NET1: variants seen among roughly 807,000 people sequenced by gnomAD.
NET1 encodes neuroepithelial cell transforming 1.
A neutral mutation model predicts 61.1 loss-of-function variants in NET1; 42 were observed. That is an observed-to-expected ratio of 0.69 (90% CI 0.54 to 0.89). The LOEUF (loss-of-function observed/expected upper bound fraction) is 0.89, where lower values mean the gene tolerates loss of function less well. NET1 is among the 40% of genes least tolerant of loss of function. NET1 has a pLI of 0.00. For synonymous variants in NET1, 254 were observed against 281.8 expected (o/e 0.90, Z 0.99); for missense variants, 654 against 747.3 (o/e 0.88, Z 1.46).
rs1832635068 is a variant in NET1, at chr10:5,447,571, G to GT, written c.256-4258dup. ...AGTGTTCCTGCATTCAGTTAACTGT[G>GT]TATCTCTTGATTGTGGTAGTGGTTT... is the stretch of plus-strand genomic sequence containing the variant. On this transcript the variant is annotated intron_variant, in intron 3 of 11. Coordinates refer to ENST00000355029, the MANE Select transcript of NET1 (RefSeq NM_001047160.3). The surrounding 1 kb of genome is among the most constrained non-coding windows in gnomAD (Gnocchi z 4.1). Among the ~76,000 whole-genome samples the GT allele has an allele frequency of 6.6e-6, 1 of 152,136 alleles. No individual in the cohort carries two copies. The highest frequency in any genetic ancestry group is 1.5e-5 in the Non-Finnish European group (1 of 68,020).
At position 5,421,924 on chromosome 10, in the gene NET1, C is replaced by T. The variant is rs976848536; in HGVS notation, c.129-4731C>T. 2.5e-4 allele frequency among the ~76,000 whole-genome samples: 38 copies of T among 152,312 alleles called. No individual in the cohort carries two copies. The highest frequency in any genetic ancestry group is 8.4e-4 in the African/African-American group (35 of 41,576). The stretch of plus-strand genomic sequence containing the variant: ...CTTACATCAGTATTTCATTTTATTG[C>T]CAAACCATATTCCATTATATGAATA... On this transcript the variant is annotated intron_variant, in intron 1 of 11. Coordinates refer to ENST00000355029, the MANE Select transcript of NET1 (RefSeq NM_001047160.3). The surrounding 1 kb of genome is among the most constrained non-coding windows in gnomAD (Gnocchi z 4.2).
At chr10:5,448,547 A>G (rs1488930237) in intron 3 of NET1, among the ~76,000 whole-genome samples, 3 of 152,132 alleles carry the variant, frequency 2.0e-5, no homozygotes, top group African/African-American at 7.2e-5. Context: ...CTTATGTTAG[A>G]GAGTGTTGGA....
rs1406493626 is a variant in NET1 at position 5,426,567 on chromosome 10, G to T, written c.129-88G>T. The T allele has an allele frequency of 9.8e-7, 1 of 1,019,320 alleles. No individual in the cohort carries two copies. The highest frequency in any genetic ancestry group is 1.5e-5 in the South Asian group (1 of 65,224). The allele number at this position is 1,019,320 out of a possible 1,614,324, so 63.1% of individuals were successfully genotyped here. A position where few individuals can be genotyped will look rare whatever the true frequency, so the allele number is the denominator to read the frequency against. ...CAGGCCACTTTAAACGGTTTTGAAA[G>T]TATGAAAAGTATAGCTTTTTATCTG... On this transcript the variant is annotated intron_variant, in intron 1 of 11. Transcript: ENST00000355029. This position sits in a 1 kb window ranked among gnomAD's most constrained non-coding sequence, Gnocchi z 4.6.
At position 5,451,199 on chromosome 10, in the gene NET1, C is replaced by T. The variant is rs904826334; in HGVS notation, c.256-631C>T. Among the ~76,000 whole-genome samples, 2 of 152,180 alleles carry T rather than the reference C, an allele frequency of 1.3e-5. No homozygotes were observed. The highest frequency in any genetic ancestry group is 6.5e-5 in the Admixed American group (1 of 15,284). On this transcript the variant is annotated intron_variant, in intron 3 of 11. Transcript: ENST00000355029. The surrounding 1 kb of genome is among the most constrained non-coding windows in gnomAD (Gnocchi z 6.1). ...GGTGTGCCCTAGCAAGTGGTAGAGC[C>T]GGGATTTGTGCCCAGTCAGATTTCA...
intron 2 of NET1, 92 bp from the exon 3 acceptor site, chr10:5,429,078 T>A (rs929935234): frequency 1.6e-5 from 15 of 964,500 alleles, no homozygotes; most frequent in Non-Finnish European, 2.2e-5. Context: ...TTAACTTTTT[T>A]AAATTGATTT....
rs1832504447 is a variant in NET1, at chr10:5,440,259, G to C, written c.255+11030G>C. Among the ~76,000 whole-genome samples, 1 of 152,220 alleles carries C rather than the reference G, an allele frequency of 6.6e-6. No homozygotes were observed. The highest frequency in any genetic ancestry group is 2.4e-5 in the African/African-American group (1 of 41,446). On this transcript the variant is annotated intron_variant, in intron 3 of 11. Transcript: ENST00000355029. This position sits in a 1 kb window ranked among gnomAD's most constrained non-coding sequence, Gnocchi z 4.1. ...TTCAGGACGTGAGCAATCACAGGCTGCTGTCCTTCCCACCTAAAAGCAAAC... is the reference window on the plus strand; with the variant it reads ...TTCAGGACGTGAGCAATCACAGGCTCCTGTCCTTCCCACCTAAAAGCAAAC...
rs1832014358 is a variant in NET1, at chr10:5,412,704, G to A, written c.12G>A (p.Glu4=). ...CCCTCCTCCGTGCCATGGAGCCCGA[G>A]CTGGCGGCTCAGAAGCAGCCTCGAC... MEP[E]LAAQKQPRPR... Residue 4 remains glutamate (E), a synonymous_variant, in exon 1 of 12, where the codon GAG becomes GAA. Coordinates refer to ENST00000355029, the MANE Select transcript of NET1 (RefSeq NM_001047160.3). This position sits in a 1 kb window ranked among gnomAD's most constrained non-coding sequence, Gnocchi z 6.5. 1.4e-6 allele frequency: 2 copies of A among 1,474,402 alleles called. No individual in the cohort carries two copies. Among genetic ancestry groups the A allele is most frequent in the Admixed American group, 2.5e-5 (1 of 39,456 alleles). 91.3% of individuals were successfully genotyped at this position (1,474,402 alleles called of 1,614,324 possible).
chr10:5,452,999 C>A lies in NET1; in HGVS notation c.594+79C>A. On this transcript the variant is annotated intron_variant, in intron 6 of 11. Coordinates refer to ENST00000355029, the MANE Select transcript of NET1 (RefSeq NM_001047160.3). The surrounding 1 kb of genome is among the most constrained non-coding windows in gnomAD (Gnocchi z 4.0). ...AAAATCTAAAGGATAGTTTTCTTAA[C>A]CTTTAGAAGTAGAAGAATAGAAAAT... 3.9e-6 allele frequency: 4 copies of A among 1,035,190 alleles called. No homozygotes were observed. Among genetic ancestry groups the A allele is most frequent in the Non-Finnish European group, 6.0e-6 (4 of 667,448 alleles). The allele number at this position is 1,035,190 out of a possible 1,614,324, so 64.1% of individuals were successfully genotyped here.
At position 5,449,597 on chromosome 10, in the gene NET1, A is replaced by G. The variant is rs1307331430; in HGVS notation, c.256-2233A>G. On this transcript the variant is annotated intron_variant, in intron 3 of 11. Transcript: ENST00000355029. This position sits in a 1 kb window ranked among gnomAD's most constrained non-coding sequence, Gnocchi z 4.4. ...TTCGTTTCAGAAGTATGCTTTAGAT[A>G]TATTTACATTCACTTATCTAAATCT... 6.6e-6 allele frequency among the ~76,000 whole-genome samples: 1 copy of G among 152,252 alleles called. No individual in the cohort carries two copies. Among genetic ancestry groups the G allele is most frequent in the Non-Finnish European group, 1.5e-5 (1 of 68,048 alleles).
intron 3 of NET1, among the ~76,000 whole-genome samples, chr10:5,448,011 T>A (rs952587420): frequency 3.3e-5 from 5 of 152,242 alleles, no homozygotes; most frequent in Non-Finnish European, 7.3e-5. Context: ...GACACAGCTC[T>A]AAATAATTTG....
rs554144268 is a variant in NET1, at chr10:5,458,062, G to C, written c.*1068G>C. 1 of 152,320 alleles carries C rather than the reference G, an allele frequency of 6.6e-6. No homozygotes were observed. Among genetic ancestry groups the C allele is most frequent in the African/African-American group, 2.4e-5 (1 of 41,568 alleles). 9.4% of individuals were successfully genotyped at this position (152,320 alleles called of 1,614,324 possible). ...AAAGGAGATAGGAGAAGCTCAACTT[G>C]AGGGCGTGTAGTAAGTTGTAGAAGG... On this transcript the variant is annotated 3_prime_UTR_variant, in exon 12 of 12. Transcript: ENST00000355029. This position sits in a 1 kb window ranked among gnomAD's most constrained non-coding sequence, Gnocchi z 4.5.
chr10:5,432,340 T>G (rs1019554292), intron 3 of NET1, among the ~76,000 whole-genome samples: 3 of 152,206 alleles, frequency 2.0e-5, no homozygotes, highest in African/African-American at 7.2e-5. Flanking sequence ...TCACCAAAAG[T>G]CCAGAGACAT....
Position 5,446,659 on chromosome 10 carries a change from G to A in NET1, c.256-5171G>A. The stretch of plus-strand genomic sequence containing the variant: ...GAGGCATGGGCACGTGGCTGCCGAG[G>A]GTGGCCGAGCTCTGGGAAGAAAAGC... On this transcript the variant is annotated intron_variant, in intron 3 of 11. Transcript: ENST00000355029. This position sits in a 1 kb window ranked among gnomAD's most constrained non-coding sequence, Gnocchi z 5.0. The A allele has an allele frequency of 7.6e-7, 1 of 1,323,242 alleles. No individual in the cohort carries two copies. The highest frequency in any genetic ancestry group is 9.7e-7 in the Non-Finnish European group (1 of 1,029,300). 82.0% of individuals were successfully genotyped at this position (1,323,242 alleles called of 1,614,324 possible).
In NET1 at chr10:5,452,508, G is replaced by A. The variant is rs748493518; in HGVS notation, c.514G>A (p.Glu172Lys). ...CATGAAGGAGTCTCTCACCACCAGGGAGATCAGACGGCAGGAGGTATGCTG... is the reference window on the plus strand; with the variant it reads ...CATGAAGGAGTCTCTCACCACCAGGAAGATCAGACGGCAGGAGGTATGCTG... Reference protein sequence around the residue: ...ITMKESLTTREIRRQEAIYEM... With the variant: ...ITMKESLTTRKIRRQEAIYEM... Residue 172 changes from glutamate to lysine, a missense_variant, in exon 5 of 12, where the codon GAG becomes AAG. Physicochemically the swap from Glu to Lys is moderately conservative, Grantham distance 56 (BLOSUM62 1). Coordinates refer to ENST00000355029, the MANE Select transcript of NET1 (RefSeq NM_001047160.3). This position sits in a 1 kb window ranked among gnomAD's most constrained non-coding sequence, Gnocchi z 4.0. 6.2e-7 allele frequency: 1 copy of A among 1,613,368 alleles called. No homozygotes were observed. The highest frequency in any genetic ancestry group is 1.1e-5 in the South Asian group (1 of 90,910).
At chr10:5,450,431 T>G (rs536500354) in intron 3 of NET1, among the ~76,000 whole-genome samples, 48 of 152,042 alleles carry the variant, frequency 3.2e-4, no homozygotes, top group South Asian at 6.2e-4. Flanking sequence ...AATAATTAAT[T>G]AAAAAAAATT....
In NET1 at chr10:5,412,854, G is replaced by A; in HGVS notation, c.128+34G>A. Reference sequence around the variant, plus strand: ...GGGGGAGGGGAGGGCCGAACGGGAGGTGAGTGTAGGGGAGCGGAGGGCCGA... The same window carrying A: ...GGGGGAGGGGAGGGCCGAACGGGAGATGAGTGTAGGGGAGCGGAGGGCCGA... On this transcript the variant is annotated intron_variant, in intron 1 of 11. Coordinates refer to ENST00000355029, the MANE Select transcript of NET1 (RefSeq NM_001047160.3). The surrounding 1 kb of genome is among the most constrained non-coding windows in gnomAD (Gnocchi z 6.5). The A allele has an allele frequency of 1.5e-6, 2 of 1,330,576 alleles. No homozygotes were observed. Among genetic ancestry groups the A allele is most frequent in the Non-Finnish European group, 1.9e-6 (2 of 1,033,188 alleles). 82.4% of individuals were successfully genotyped at this position (1,330,576 alleles called of 1,614,324 possible).
rs1283557358 is a variant in NET1 at position 5,443,872 on chromosome 10, C to T, written c.256-7958C>T. 6.6e-6 allele frequency among the ~76,000 whole-genome samples: 1 copy of T among 152,218 alleles called. No individual in the cohort carries two copies. Among genetic ancestry groups the T allele is most frequent in the Non-Finnish European group, 1.5e-5 (1 of 68,044 alleles). On this transcript the variant is annotated intron_variant, in intron 3 of 11. Coordinates refer to ENST00000355029, the MANE Select transcript of NET1 (RefSeq NM_001047160.3). The surrounding 1 kb of genome is among the most constrained non-coding windows in gnomAD (Gnocchi z 4.8). ...GGAAAAACAGTTTCAAGAAAGACAT[C>T]GGGTAAGAATCCCAGGAGAACTCCT...
Position 5,412,742 on chromosome 10 carries a change from G to A in NET1, c.50G>A (p.Ser17Asn). The change falls in exon 1 of 12, where the codon AGC (serine) becomes AAC (asparagine). Residue 17 changes from serine (S) to asparagine (N), a missense_variant. By Grantham distance (46) the Ser-to-Asn change is conservative (BLOSUM62 1). Coordinates refer to ENST00000355029, the MANE Select transcript of NET1 (RefSeq NM_001047160.3). This position sits in a 1 kb window ranked among gnomAD's most constrained non-coding sequence, Gnocchi z 6.5. ...AAGCAGCCTCGACCGCGGAGGCGAAGCCGCCGGGCCTCTGGGCTCAGCACG... is the reference window on the plus strand; with the variant it reads ...AAGCAGCCTCGACCGCGGAGGCGAAACCGCCGGGCCTCTGGGCTCAGCACG... ...AQKQPRPRRR[S>N]RRASGLSTEG... 6.8e-7 allele frequency: 1 copy of A among 1,480,746 alleles called. No homozygotes were observed. Among genetic ancestry groups the A allele is most frequent in the Non-Finnish European group, 8.9e-7 (1 of 1,123,146 alleles). 91.7% of individuals were successfully genotyped at this position (1,480,746 alleles called of 1,614,324 possible). A position where few individuals can be genotyped will look rare whatever the true frequency, so the allele number is the denominator to read the frequency against.
At chr10:5,430,607 C>T (rs922965293) in intron 3 of NET1, among the ~76,000 whole-genome samples, 1 of 151,928 alleles carries the variant, frequency 6.6e-6, no homozygotes, top group African/African-American at 2.4e-5. Flanking sequence ...ATTCCAGACT[C>T]GGCCCCACAA....
Sources: allele counts gnomAD v4.1 joint callset (sites outside exome capture counted in the v4.1 genomes callset), GRCh38; gene constraint gnomAD v4.1.1; non-coding constraint Gnocchi (gnomAD v3.1); transcripts MANE v1.5; gene names NCBI Gene and HGNC (gene_info 2026-07-23, HGNC 2026-07-21).